Variants in AIM2 observed in about 807,000 individuals in gnomAD.
The protein encoded by AIM2 is absent in melanoma 2, also known as interferon-inducible protein AIM2.
A neutral mutation model predicts 27.7 loss-of-function variants in AIM2; 30 were observed. The ratio of observed to expected loss-of-function variants is 1.08; its 90% CI spans 0.81 to 1.47. The LOEUF is 1.47. Ranked by LOEUF, AIM2 falls within the 40% of genes most tolerant of loss-of-function variation. AIM2 has a pLI of 0.00. For missense variants in AIM2, 358 were observed against 411.3 expected (o/e 0.87, Z 1.12); for synonymous variants, 141 against 145.3 (o/e 0.97, Z 0.21).
chr1:159,090,179 C>T (rs2518563), intron 1 of AIM2, among the ~76,000 whole-genome samples: 92,152 of 152,154 alleles, frequency 0.61, 34,047 homozygotes, highest in Non-Finnish European at 0.79. Flanking sequence ...CCCAGTTTCC[C>T]TCTCTCCTTT....
intron 1 of AIM2, among the ~76,000 whole-genome samples, chr1:159,094,033 C>A (rs180752493): frequency 1.9e-4 from 29 of 152,090 alleles, no homozygotes; most frequent in Non-Finnish European, 5.9e-5. Flanking sequence ...AGTCACTGCA[C>A]ATGGCATATT....
At chr1:159,124,726 C>T (rs573495347) in intron 1 of AIM2, among the ~76,000 whole-genome samples, 20 of 152,304 alleles carry the variant, frequency 1.3e-4, no homozygotes, top group African/African-American at 3.8e-4. Context: ...ACAGCCTTGA[C>T]CTTCCCAGTG....
At chr1:159,071,775 G>A (rs1656373097) in intron 2 of AIM2, among the ~76,000 whole-genome samples, 1 of 152,220 alleles carries the variant, frequency 6.6e-6, no homozygotes, top group Non-Finnish European at 1.5e-5. Context: ...CTCCCAAAGT[G>A]CTGGGATTAA....
At chr1:159,084,049 A>G (rs893404617) in intron 1 of AIM2, among the ~76,000 whole-genome samples, 2 of 152,044 alleles carry the variant, frequency 1.3e-5, no homozygotes, top group Non-Finnish European at 2.9e-5. Context: ...TAACCCTACC[A>G]CTCTATGTGG....
chr1:159,129,815 A>G (rs1296716262), intron 1 of AIM2, among the ~76,000 whole-genome samples: 1 of 152,214 alleles, frequency 6.6e-6, no homozygotes, highest in Non-Finnish European at 1.5e-5. Context: ...AACTTCCATG[A>G]GCATTTAAAC....
At chr1:159,108,679 A>C (rs191914930) in intron 1 of AIM2, among the ~76,000 whole-genome samples, 2 of 152,206 alleles carry the variant, frequency 1.3e-5, no homozygotes, top group African/African-American at 4.8e-5. Flanking sequence ...GAACTGATGA[A>C]ATAATTCAGC....
At chr1:159,056,731 A>AAAAAC in the AIM2 span, among the ~76,000 whole-genome samples, 1 of 143,276 alleles carries the variant, frequency 7.0e-6, no homozygotes, top group Non-Finnish European at 1.5e-5. Flanking sequence ...AAAAAAAAAA[A>AAAAAC]AAAAAAAAAA....
At chr1:159,134,068 C>T (rs765479609) in intron 1 of AIM2, among the ~76,000 whole-genome samples, 44 of 152,152 alleles carry the variant, frequency 2.9e-4, no homozygotes, top group Non-Finnish European at 4.4e-4. Context: ...CTGATCTTAG[C>T]GAATGGTGTG....
Position 159,084,396 on chromosome 1 carries a change from C to T in AIM2, c.-15-18067G>A, listed in dbSNP as rs78063258. ...AGACTTCCTACTGGAGAGAAAGCAA[C>T]AATCTTGAACTGTTCAAGATTCCTA... On this transcript the variant is annotated intron_variant, in intron 1 of 2. Transcript: ENST00000368129. Among the ~76,000 whole-genome samples the T allele has an allele frequency of 6.6e-4, 101 of 152,192 alleles. 2 individuals carry two copies. In the East Asian group the frequency reaches 0.018, roughly 27 times the overall value.
chr1:159,058,587 A>G (rs1235835496), downstream of AIM2, among the ~76,000 whole-genome samples: 4 of 151,966 alleles, frequency 2.6e-5, no homozygotes, highest in East Asian at 3.9e-4. Flanking sequence ...GGAAGCGACA[A>G]CGGGGGTGGG....
upstream of AIM2, among the ~76,000 whole-genome samples, chr1:159,141,145 C>G (rs951120475): frequency 1.3e-5 from 2 of 152,152 alleles, no homozygotes; most frequent in African/African-American, 4.8e-5. Flanking sequence ...TCTGCATGAC[C>G]GTGTCAGGCA....
chr1:159,094,060 GT>G (rs765441369), intron 1 of AIM2, among the ~76,000 whole-genome samples: 3 of 151,994 alleles, frequency 2.0e-5, no homozygotes, highest in Non-Finnish European at 2.9e-5. Flanking sequence ...ATAAAAATTT[GT>G]AAAAACTTAA....
At chr1:159,138,175 A>T (rs1054498143) in intron 1 of AIM2, among the ~76,000 whole-genome samples, 1 of 152,194 alleles carries the variant, frequency 6.6e-6, no homozygotes, top group Non-Finnish European at 1.5e-5. Flanking sequence ...GCAGAGTTGG[A>T]TGTCATAGGG....
rs777900717 is a variant in AIM2 at position 159,073,247 on chromosome 1, TCTC to T, written c.250_252del (p.Glu84del). The T allele has an allele frequency of 3.1e-6, 5 of 1,613,968 alleles. No homozygotes were observed. The highest frequency in any genetic ancestry group is 1.3e-5 in the African/African-American group (1 of 74,910). ...GGAACTCCCACATTACCTTTCTCCT[TCTC>T]CTCCTGAAGACGTTTTGCCAAAAGC... On this transcript the variant is annotated inframe_deletion, in exon 2 of 6. Coordinates refer to ENST00000368130, the MANE Select transcript of AIM2 (RefSeq NM_004833.3).
At chr1:159,069,510 A>G (rs1483035000) in intron 2 of AIM2, among the ~76,000 whole-genome samples, 1 of 151,786 alleles carries the variant, frequency 6.6e-6, no homozygotes, top group Non-Finnish European at 1.5e-5. Context: ...GTGAAAATGA[A>G]TAAACTGCTG....
upstream of AIM2, among the ~76,000 whole-genome samples, chr1:159,079,683 A>C (rs1213000322): frequency 6.6e-6 from 1 of 152,168 alleles, no homozygotes. Context: ...GGGTGGACTG[A>C]GCATGACACA....
chr1:159,142,175 C>T (rs1318562619), upstream of AIM2, among the ~76,000 whole-genome samples: 16 of 152,062 alleles, frequency 1.1e-4, no homozygotes, highest in Non-Finnish European at 2.9e-5. Context: ...GAGCTGCTTC[C>T]GTAAAGGAAC....
chr1:159,135,124 C>T (rs1254101912), intron 1 of AIM2, among the ~76,000 whole-genome samples: 1 of 152,190 alleles, frequency 6.6e-6, no homozygotes, highest in Non-Finnish European at 1.5e-5. Context: ...ATTTGTTCAT[C>T]ATTGTACCTC....
chr1:159,062,412 T>C, downstream of AIM2: 1 of 489,786 alleles, frequency 2.0e-6, no homozygotes, highest in Non-Finnish European at 3.6e-6. Context: ...ATAAACATCA[T>C]ATAATACATT....
Sources: gnomAD v4.1 joint callset for allele counts (sites outside exome capture counted in the v4.1 genomes callset) on GRCh38, gnomAD v4.1.1 for gene constraint, MANE v1.5 for transcripts, NCBI Gene and HGNC (gene_info 2026-07-23, HGNC 2026-07-21) for gene names.